Variants in CDH2 observed in about 807,000 individuals in gnomAD.
CDH2 encodes the protein cadherin-2.
In CDH2, 17 loss-of-function variants were observed where a neutral mutation model predicts 92.0. The ratio of observed to expected loss-of-function variants is 0.18; its 90% confidence interval spans 0.13 to 0.28. The LOEUF is 0.28. CDH2 is among the 10% of genes least tolerant of loss of function. The probability of loss-of-function intolerance (pLI) is 1.00; values close to 1 mark genes in which losing one functional copy is unlikely to be tolerated. For synonymous variants in CDH2, 419 were observed against 415.9 expected (o/e 1.01, Z -0.09); for missense variants, 862 against 1,133.1 (o/e 0.76, Z 3.44).
intron 2 of CDH2, among the ~76,000 whole-genome samples, chr18:28,098,423 AGCC>A (rs1467015973): frequency 6.6e-6 from 1 of 152,180 alleles, no homozygotes; most frequent in Non-Finnish European, 1.5e-5. Context: ...GGTTCCTATG[AGCC>A]TCTGGTCACA....
chr18:28,130,172 T>C (rs560327558), intron 2 of CDH2, among the ~76,000 whole-genome samples: 3 of 152,202 alleles, frequency 2.0e-5, no homozygotes, highest in Admixed American at 6.5e-5. Flanking sequence ...AGCATCGTGA[T>C]CATTTTGTAG....
At position 28,147,713 on chromosome 18, in the gene CDH2, G is replaced by A. The variant is rs769495176; in HGVS notation, c.132C>T (p.Val44=). 1.9e-6 allele frequency: 3 copies of A among 1,612,028 alleles called. No individual in the cohort carries two copies. In the African/African-American group the frequency reaches 4.0e-5, roughly 22 times the overall value. ...TGFPEDVYSA[V]LSKDVHEGQP... Reference sequence around the variant, plus strand: ...GTCCTTCATGCACATCCTTCGATAAGACTGCACTGTAAACATCTTCAGGAA... The same window carrying A: ...GTCCTTCATGCACATCCTTCGATAAAACTGCACTGTAAACATCTTCAGGAA... Residue 44 remains valine, a synonymous_variant, in exon 2 of 16, where the codon GTC becomes GTT. Transcript: ENST00000269141.
intron 15 of CDH2, among the ~76,000 whole-genome samples, chr18:27,955,415 T>TA (rs757894669): frequency 0.026 from 3,007 of 115,976 alleles, 110 homozygotes; most frequent in African/African-American, 0.083. Context: ...AATGACAAGT[T>TA]AAAAAAAAAA....
chr18:28,011,096 A>C (rs17468199), intron 4 of CDH2, among the ~76,000 whole-genome samples: 1 of 152,042 alleles, frequency 6.6e-6, no homozygotes, highest in Non-Finnish European at 1.5e-5. Flanking sequence ...AAAGCGGCTT[A>C]TTTTAAAAAA....
At chr18:28,130,636 C>T (rs183491300) in intron 2 of CDH2, among the ~76,000 whole-genome samples, 121 of 152,288 alleles carry the variant, frequency 7.9e-4, no homozygotes, top group African/African-American at 2.7e-3. Context: ...TCCAGATGTG[C>T]GCATGGCTGC....
chr18:28,077,821 T>G (rs2920447), intron 2 of CDH2, among the ~76,000 whole-genome samples: 80,455 of 146,118 alleles, frequency 0.55, 22,691 homozygotes, highest in African/African-American at 0.71. Context: ...AACCCGGGAG[T>G]TGGAGGTTGC....
At chr18:28,013,288 T>C (rs1000934791) in intron 3 of CDH2, among the ~76,000 whole-genome samples, 7 of 152,150 alleles carry the variant, frequency 4.6e-5, no homozygotes, top group African/African-American at 1.7e-4. Context: ...CCAATACTCA[T>C]TGCCAGAAAT....
chr18:28,079,328 CAG>C (rs2014783436), intron 2 of CDH2, among the ~76,000 whole-genome samples: 1 of 152,146 alleles, frequency 6.6e-6, no homozygotes, highest in Non-Finnish European at 1.5e-5. Flanking sequence ...GTAATACATG[CAG>C]AAGGTAATAT....
chr18:27,940,306 G>C (rs1164392882), intron 6 of CDH2, among the ~76,000 whole-genome samples: 1 of 152,086 alleles, frequency 6.6e-6, no homozygotes, highest in Non-Finnish European at 1.5e-5. Flanking sequence ...TCTTCTCTTG[G>C]GTAATCCTGC....
At chr18:28,165,776 T>G (rs1244251638) in intron 1 of CDH2, among the ~76,000 whole-genome samples, 1 of 151,642 alleles carries the variant, frequency 6.6e-6, no homozygotes, top group African/African-American at 2.4e-5. Context: ...ACACTGCTTC[T>G]TCAGGCTACT....
At chr18:27,983,113 T>C (rs1444060249) in intron 13 of CDH2, 30 bp from the exon 14 acceptor site, 1 of 1,570,352 alleles carries the variant, frequency 6.4e-7, no homozygotes, top group South Asian at 1.1e-5. Context: ...AAATACATAA[T>C]ATTGTCATTT....
At chr18:28,136,282 G>A (rs1253643392) in intron 2 of CDH2, among the ~76,000 whole-genome samples, 1 of 152,038 alleles carries the variant, frequency 6.6e-6, no homozygotes, top group East Asian at 1.9e-4. Context: ...AAATGTCTGT[G>A]GTCAGATGAT....
intron 2 of CDH2, among the ~76,000 whole-genome samples, chr18:28,049,198 A>G (rs1250334452): frequency 6.6e-6 from 1 of 152,214 alleles, no homozygotes; most frequent in Non-Finnish European, 1.5e-5. Flanking sequence ...AGTTTAAAAA[A>G]ATAAGCACTT....
At chr18:28,009,057 T>A (rs753617796) in intron 5 of CDH2, among the ~76,000 whole-genome samples, 2 of 152,136 alleles carry the variant, frequency 1.3e-5, no homozygotes, top group Non-Finnish European at 2.9e-5. Flanking sequence ...GAGATTGGTA[T>A]CCTGGAGTAA....
At chr18:28,037,297 G>C (rs910464272) in intron 2 of CDH2, among the ~76,000 whole-genome samples, 8 of 152,144 alleles carry the variant, frequency 5.3e-5, no homozygotes, top group Non-Finnish European at 8.8e-5. Context: ...TTCCCAAAGA[G>C]TGCTTCTTCT....
At chr18:28,094,669 C>T (rs2015096169) in intron 2 of CDH2, among the ~76,000 whole-genome samples, 1 of 151,544 alleles carries the variant, frequency 6.6e-6, no homozygotes, top group African/African-American at 2.4e-5. Context: ...TGGCGGGCGC[C>T]TGTAGTCCCA....
At chr18:27,943,537 G>A (rs1369663177) in intron 6 of CDH2, among the ~76,000 whole-genome samples, 1 of 152,312 alleles carries the variant, frequency 6.6e-6, no homozygotes, top group South Asian at 2.1e-4. Context: ...GCTATTAACT[G>A]TATGCAGCTT....
chr18:28,048,660 T>C (rs566342101), intron 2 of CDH2, among the ~76,000 whole-genome samples: 1 of 152,272 alleles, frequency 6.6e-6, no homozygotes, highest in Non-Finnish European at 1.5e-5. Context: ...TCAATAAATC[T>C]GAAGCACCAT....
At chr18:28,119,941 G>A (rs1399242816) in intron 2 of CDH2, among the ~76,000 whole-genome samples, 2 of 151,884 alleles carry the variant, frequency 1.3e-5, no homozygotes, top group Non-Finnish European at 2.9e-5. Flanking sequence ...TACTATACGA[G>A]GACCAAATGA....
Sources: gnomAD v4.1 joint callset for allele counts (sites outside exome capture counted in the v4.1 genomes callset) on GRCh38, gnomAD v4.1.1 for gene constraint, MANE v1.5 for transcripts, NCBI Gene and HGNC (gene_info 2026-07-23, HGNC 2026-07-21) for gene names.